Variants in EVC observed in about 807,000 individuals in gnomAD.
The protein encoded by EVC is EvC ciliary complex subunit 1.
EVC carries 116 observed loss-of-function variants against 118.9 expected under a neutral mutation model. That is an observed-to-expected ratio of 0.98 (90% CI 0.84 to 1.14). The LOEUF is 1.14. Among genes scored for constraint, EVC ranks in the 50% most tolerant of loss-of-function variants. The probability of loss-of-function intolerance (pLI) is 0.00; values close to 1 mark genes in which losing one functional copy is unlikely to be tolerated. For synonymous variants in EVC, 619 were observed against 534.7 expected (o/e 1.16, Z -2.18); for missense variants, 1,401 against 1,246.4 (o/e 1.12, Z -1.87).
chr4:5,796,693 G>C (rs548370393), intron 13 of EVC, among the ~76,000 whole-genome samples: 2 of 151,834 alleles, frequency 1.3e-5, no homozygotes, highest in South Asian at 4.2e-4. Context: ...ACTGAAATAG[G>C]AACTCAAAAA....
intron 3 of EVC, among the ~76,000 whole-genome samples, chr4:5,729,806 T>C (rs1407534852): frequency 6.6e-6 from 1 of 152,188 alleles, no homozygotes. Flanking sequence ...GCGTTTCAAC[T>C]TGGTGTTATG....
At chr4:5,802,129 G>C (rs1362525023) in intron 16 of EVC, 35 bp downstream of exon 16, 1 of 1,613,720 alleles carries the variant, frequency 6.2e-7, no homozygotes, top group South Asian at 1.1e-5. Flanking sequence ...CCCCAGAAGA[G>C]ACTGGCAATG....
chr4:5,820,523 G>A, the EVC span, among the ~76,000 whole-genome samples: 2 of 152,170 alleles, frequency 1.3e-5, no homozygotes, highest in African/African-American at 4.8e-5. Context: ...CCAACAGGAG[G>A]GAATCAATGC....
At chr4:5,814,697 T>C (rs958968013), downstream of EVC, among the ~76,000 whole-genome samples, 1 of 152,058 alleles carries the variant, frequency 6.6e-6, no homozygotes, top group African/African-American at 2.4e-5. Flanking sequence ...TGGCCTCACA[T>C]GGGCCACACC....
intron 2 of EVC, among the ~76,000 whole-genome samples, chr4:5,722,694 C>T (rs1725157312): frequency 6.6e-6 from 1 of 152,186 alleles, no homozygotes; most frequent in African/African-American, 2.4e-5. Flanking sequence ...TTTAAGGATG[C>T]ATTTATGCAT....
At chr4:5,780,358 A>G (rs1029031211) in intron 11 of EVC, among the ~76,000 whole-genome samples, 2 of 152,240 alleles carry the variant, frequency 1.3e-5, no homozygotes, top group African/African-American at 4.8e-5. Context: ...TCCATGTAGC[A>G]CACTGGCTAA....
intron 11 of EVC, among the ~76,000 whole-genome samples, chr4:5,773,771 C>T (rs1734329549): frequency 6.6e-6 from 1 of 152,110 alleles, no homozygotes; most frequent in Non-Finnish European, 1.5e-5. Context: ...CCTTGTTCAA[C>T]CCACTTCCCA....
Position 5,776,842 on chromosome 4 carries a change from A to G in EVC, c.1564-6710A>G, listed in dbSNP as rs190544151. On this transcript the variant is annotated intron_variant, in intron 11 of 20. Transcript: ENST00000264956. ...TCTAGACAATATTTTCAATTCTAGA[A>G]CTGCTAGTTGGCTCTTTTTAAACTA... 6.7e-5 allele frequency among the ~76,000 whole-genome samples: 10 copies of G among 149,134 alleles called. No individual in the cohort carries two copies. The East Asian group carries it at 1.8e-3, about 28-fold the overall frequency.
intron 11 of EVC, among the ~76,000 whole-genome samples, chr4:5,770,871 G>C (rs1733840193): frequency 6.6e-6 from 1 of 152,042 alleles, no homozygotes; most frequent in Non-Finnish European, 1.5e-5. Context: ...AAATTAGCCA[G>C]GTGTCGTGGG....
intron 9 of EVC, among the ~76,000 whole-genome samples, chr4:5,753,367 G>C (rs1269835430): frequency 6.6e-6 from 1 of 152,224 alleles, no homozygotes; most frequent in African/African-American, 2.4e-5. Context: ...GACAGAGGAG[G>C]GTGAAGGGTC....
At chr4:5,758,333 A>G (rs935467879) in intron 11 of EVC, 36 of 542,302 alleles carry the variant, frequency 6.6e-5, no homozygotes, top group Non-Finnish European at 1.0e-4. Flanking sequence ...GCGCTTTGTC[A>G]TGGCAGCCAC....
chr4:5,809,493 A>C (rs780248253), intron 18 of EVC, 25 bp from the exon 19 acceptor site: 3 of 1,609,606 alleles, frequency 1.9e-6, no homozygotes, highest in Non-Finnish European at 2.6e-6. Flanking sequence ...GCCCAGCTGA[A>C]TGCTCCTCTC....
rs964507668 is a variant in EVC at position 5,793,392 on chromosome 4, T to C, written c.1777-216T>C. On this transcript the variant is annotated intron_variant, in intron 12 of 20. Coordinates refer to ENST00000264956, the MANE Select transcript of EVC (RefSeq NM_153717.3). The stretch of plus-strand genomic sequence containing the variant: ...ATTTTAGATACTTCAATTTAGAATA[T>C]TTAAAATTTTCGTATTTGCATTTTT... The C allele has an allele frequency of 1.7e-5, 10 of 582,182 alleles. No individual in the cohort carries two copies. In the Admixed American group the frequency reaches 1.8e-4, roughly 10 times the overall value. The allele number at this position is 582,182 out of a possible 1,614,324, so 36.1% of individuals were successfully genotyped here.
rs1244604316 is a variant in EVC, at chr4:5,737,825, T to G, written c.703-3891T>G. 6.6e-6 allele frequency among the ~76,000 whole-genome samples: 1 copy of G among 152,254 alleles called. No individual in the cohort carries two copies. Among genetic ancestry groups the G allele is most frequent in the Non-Finnish European group, 1.5e-5 (1 of 68,046 alleles). On this transcript the variant is annotated intron_variant, in intron 5 of 20. Coordinates refer to ENST00000264956, the MANE Select transcript of EVC (RefSeq NM_153717.3). This position sits in a 1 kb window ranked among gnomAD's most constrained non-coding sequence, Gnocchi z 5.0. ...TACAAGGAAGTTAATGTCATTTTCA[T>G]GCCTGCTAACACAACATTCATTCTG... is the stretch of plus-strand genomic sequence containing the variant.
chr4:5,750,373 T>C (rs554602875), intron 8 of EVC, among the ~76,000 whole-genome samples: 1 of 152,300 alleles, frequency 6.6e-6, no homozygotes, highest in Admixed American at 6.5e-5. Context: ...TATCAGCCAA[T>C]AACTTCCAAA....
Position 5,808,291 on chromosome 4 carries a change from G to A in EVC, c.2652G>A (p.Met884Ile), listed in dbSNP as rs1716329724. 2.5e-6 allele frequency: 4 copies of A among 1,614,084 alleles called. No homozygotes were observed. The highest frequency in any genetic ancestry group is 3.4e-6 in the Non-Finnish European group (4 of 1,180,048). ...CCCAGCAGCAGCAGGCAGGAGTCAT[G>A]GACCTTCTGGAAGCCCAGCTGGAGA... The part of the protein sequence containing the change: ...LHAQQQQAGV[M>I]DLLEAQLETQ... Residue 884 changes from methionine to isoleucine, a missense_variant, in exon 18 of 21, where the codon ATG (methionine) becomes ATA (isoleucine). Met to Ile is a conservative substitution (Grantham distance 10). Transcript: ENST00000264956.
intron 2 of EVC, among the ~76,000 whole-genome samples, chr4:5,722,392 G>A (rs1725106054): frequency 6.6e-6 from 1 of 152,320 alleles, no homozygotes; most frequent in Admixed American, 6.5e-5. Flanking sequence ...AGATCTCCTT[G>A]TTTCAGTGAC....
chr4:5,796,637 C>A (rs192830931), intron 13 of EVC, among the ~76,000 whole-genome samples: 4 of 152,072 alleles, frequency 2.6e-5, no homozygotes, highest in Admixed American at 1.3e-4. Flanking sequence ...AGTTATACAA[C>A]CAAATGTTGA....
chr4:5,740,797 C>G (rs1577391796), intron 5 of EVC, among the ~76,000 whole-genome samples: 3 of 152,048 alleles, frequency 2.0e-5, no homozygotes, highest in African/African-American at 7.2e-5. Flanking sequence ...GATATTTCAC[C>G]AAAAAGGATA....
Sources: allele counts gnomAD v4.1 joint callset (sites outside exome capture counted in the v4.1 genomes callset), GRCh38; gene constraint gnomAD v4.1.1; non-coding constraint Gnocchi (gnomAD v3.1); transcripts MANE v1.5; gene names NCBI Gene and HGNC (gene_info 2026-07-23, HGNC 2026-07-21).